CNBD1: variants seen among roughly 807,000 people sequenced by gnomAD.
The protein encoded by CNBD1 is cyclic nucleotide-binding domain-containing protein 1.
In CNBD1, 71 loss-of-function variants were observed where a neutral mutation model predicts 54.4. The ratio of observed to expected loss-of-function variants is 1.30; its 90% CI spans 1.08 to 1.59. The LOEUF is 1.59. Ranked by LOEUF, CNBD1 falls within the 40% of genes most tolerant of loss-of-function variation. The pLI is 0.00. For missense variants in CNBD1, 659 were observed against 518.0 expected, an observed-to-expected ratio of 1.27 and a Z score of -2.64; for synonymous variants, 182 against 170.7, an observed-to-expected ratio of 1.07 and a Z score of -0.51.
intron 8 of CNBD1, among the ~76,000 whole-genome samples, chr8:87,336,161 A>G (rs923528672): frequency 1.3e-5 from 2 of 151,972 alleles, no homozygotes; most frequent in Non-Finnish European, 1.5e-5. Flanking sequence ...GGAGAATCTG[A>G]TGATTATGTG....
chr8:86,942,171 A>G (rs1201447309), intron 4 of CNBD1, among the ~76,000 whole-genome samples: 1 of 152,214 alleles, frequency 6.6e-6, no homozygotes, highest in East Asian at 1.9e-4. Flanking sequence ...GCTATGACAA[A>G]CTATTAATAG....
chr8:87,232,348 A>G (rs1807462066), intron 5 of CNBD1, among the ~76,000 whole-genome samples: 1 of 152,074 alleles, frequency 6.6e-6, no homozygotes, highest in Non-Finnish European at 1.5e-5. Flanking sequence ...AAAAACTGCC[A>G]GATATTTTTA....
At chr8:87,023,964 G>A (rs929098033) in intron 4 of CNBD1, among the ~76,000 whole-genome samples, 14 of 152,220 alleles carry the variant, frequency 9.2e-5, no homozygotes, top group African/African-American at 2.9e-4. Flanking sequence ...CCGGCCAGGC[G>A]TGGTGGCTCA....
chr8:87,303,787 C>T (rs1261249199), intron 8 of CNBD1, among the ~76,000 whole-genome samples: 1 of 123,442 alleles, frequency 8.1e-6, no homozygotes, highest in East Asian at 2.1e-4. Flanking sequence ...AACAAATTTA[C>T]AAGAAAAAAA....
chr8:87,266,438 CTTTTTTTTTTTTT>C (rs72293236), intron 6 of CNBD1, among the ~76,000 whole-genome samples: 27 of 50,122 alleles, frequency 5.4e-4, no homozygotes, highest in Admixed American at 1.2e-3. Flanking sequence ...AAAAAAAAAT[CTTTTTTTTTTTTT>C]TTTTTTTTTT....
At chr8:87,284,841 T>G (rs1195081224) in intron 7 of CNBD1, 26 bp downstream of exon 7, 1 of 1,496,740 alleles carries the variant, frequency 6.7e-7, no homozygotes, top group Admixed American at 2.2e-5. Context: ...ATATTTTATA[T>G]AAACAAAAAT....
chr8:86,936,665 C>T (rs1217104396), intron 3 of CNBD1, among the ~76,000 whole-genome samples: 1 of 150,558 alleles, frequency 6.6e-6, no homozygotes, highest in African/African-American at 2.5e-5. Context: ...ATGGTGTGAA[C>T]CCAGGAGGCA....
At chr8:87,055,895 CT>C (rs1810406547) in intron 4 of CNBD1, among the ~76,000 whole-genome samples, 2 of 84,288 alleles carry the variant, frequency 2.4e-5, no homozygotes, top group Admixed American at 1.1e-4. Context: ...TCCTTCCTTC[CT>C]TCCTTCCTTC....
At chr8:87,378,898 T>A (rs184768265) in intron 10 of CNBD1, among the ~76,000 whole-genome samples, 57 of 149,466 alleles carry the variant, frequency 3.8e-4, no homozygotes, top group Non-Finnish European at 7.0e-4. Context: ...TCCTAGGTAT[T>A]TTATTCTCTT....
chr8:87,344,339 T>A (rs1810126791), intron 8 of CNBD1, among the ~76,000 whole-genome samples: 1 of 152,012 alleles, frequency 6.6e-6, no homozygotes. Flanking sequence ...AGAGATGTAT[T>A]AAGAAGGAGT....
intron 4 of CNBD1, among the ~76,000 whole-genome samples, chr8:87,167,590 C>A (rs1327047037): frequency 6.6e-6 from 1 of 151,722 alleles, no homozygotes; most frequent in Non-Finnish European, 1.5e-5. Flanking sequence ...TTCCTAGCAT[C>A]CCATGCTTTC....
chr8:87,403,143 A>T (rs888650822), intron 2 of CNBD1, among the ~76,000 whole-genome samples: 6 of 151,890 alleles, frequency 4.0e-5, no homozygotes, highest in Admixed American at 6.6e-5. Flanking sequence ...AAAAAAATTG[A>T]TTTAATTTTT....
At chr8:87,389,462 C>G (rs1811263361) in intron 2 of CNBD1, among the ~76,000 whole-genome samples, 1 of 152,074 alleles carries the variant, frequency 6.6e-6, no homozygotes, top group Non-Finnish European at 1.5e-5. Context: ...CAATAACAGA[C>G]AAACAGAGAG....
chr8:86,896,355 A>G (rs1358307918), intron 2 of CNBD1, among the ~76,000 whole-genome samples: 1 of 152,158 alleles, frequency 6.6e-6, no homozygotes, highest in African/African-American at 2.4e-5. Flanking sequence ...ACTTCGTTAA[A>G]GATTGCATTG....
chr8:87,426,729 G>C (rs1416743085), intron 2 of CNBD1, among the ~76,000 whole-genome samples: 1 of 152,192 alleles, frequency 6.6e-6, no homozygotes, highest in Non-Finnish European at 1.5e-5. Context: ...TGCAGATTCT[G>C]TGAGGTGGCA....
At chr8:87,388,715 A>T (rs1237855338) in intron 2 of CNBD1, among the ~76,000 whole-genome samples, 1 of 152,226 alleles carries the variant, frequency 6.6e-6, no homozygotes, top group Non-Finnish European at 1.5e-5. Context: ...TATTCCAATC[A>T]ATAGAAAAAG....
intron 4 of CNBD1, among the ~76,000 whole-genome samples, chr8:86,952,433 A>G (rs1465024606): frequency 6.6e-6 from 1 of 152,100 alleles, no homozygotes; most frequent in Non-Finnish European, 1.5e-5. Context: ...TTTTATATAG[A>G]TATATTACAG....
At chr8:87,252,941 G>C (rs1456450552) in intron 6 of CNBD1, among the ~76,000 whole-genome samples, 1 of 152,056 alleles carries the variant, frequency 6.6e-6, no homozygotes, top group East Asian at 1.9e-4. Flanking sequence ...GGGCACATAC[G>C]TTTACTGCAA....
intron 4 of CNBD1, among the ~76,000 whole-genome samples, chr8:87,205,370 G>T: frequency 6.6e-6 from 1 of 152,118 alleles, no homozygotes; most frequent in East Asian, 1.9e-4. Flanking sequence ...ATGACAGCTA[G>T]GTTAGTCCTT....
Sources: allele counts gnomAD v4.1 joint callset (sites outside exome capture counted in the v4.1 genomes callset), GRCh38; gene constraint gnomAD v4.1.1; transcripts MANE v1.5; gene names NCBI Gene and HGNC (gene_info 2026-07-23, HGNC 2026-07-21).